KCNH5: variants seen among roughly 807,000 people sequenced by gnomAD.
KCNH5 encodes potassium voltage-gated channel subfamily H member 5.
In KCNH5, 46 loss-of-function variants were observed where a neutral mutation model predicts 96.1. That is an observed-to-expected ratio of 0.48 (90% CI 0.38 to 0.61). The LOEUF (loss-of-function observed/expected upper bound fraction) is 0.61, where lower values mean the gene tolerates loss of function less well. Ranked by LOEUF, KCNH5 falls within the 20% of genes least tolerant of loss-of-function variation. KCNH5 has a pLI of 0.00. For missense variants in KCNH5, 907 were observed against 1,225.8 expected, an observed-to-expected ratio of 0.74 and a Z score of 3.88; for synonymous variants, 439 against 449.8, an observed-to-expected ratio of 0.98 and a Z score of 0.30.
rs1884402860 is a variant in KCNH5 at position 62,704,954 on chromosome 14, T to C, written c.*2554A>G. 6.6e-6 allele frequency: 1 copy of C among 151,990 alleles called. No homozygotes were observed. Among genetic ancestry groups the C allele is most frequent in the African/African-American group, 2.4e-5 (1 of 41,446 alleles). The allele number at this position is 151,990 out of a possible 1,614,324, so 9.4% of individuals were successfully genotyped here. On this transcript the variant is annotated 3_prime_UTR_variant, in exon 11 of 11. Transcript: ENST00000322893. ...CTATATACAATGTTTGCTGAAAACA[T>C]GCATTCCTGCTGAAAACAGCAGGGT... is the stretch of plus-strand genomic sequence containing the variant.
At chr14:62,724,342 A>T (rs1479876830) in intron 10 of KCNH5, among the ~76,000 whole-genome samples, 1 of 152,188 alleles carries the variant, frequency 6.6e-6, no homozygotes, top group African/African-American at 2.4e-5. Flanking sequence ...TGATTAAAAG[A>T]TGGGGCTGAA....
At chr14:62,857,046 G>A (rs969357063) in intron 7 of KCNH5, among the ~76,000 whole-genome samples, 5 of 152,050 alleles carry the variant, frequency 3.3e-5, no homozygotes, top group African/African-American at 1.2e-4. Context: ...CCAAATTTTA[G>A]TATAATATTG....
chr14:62,775,431 T>A (rs943668524), intron 10 of KCNH5, among the ~76,000 whole-genome samples: 3 of 152,250 alleles, frequency 2.0e-5, no homozygotes, highest in African/African-American at 7.2e-5. Flanking sequence ...CATAAAAATG[T>A]GCTTCTGGCC....
intron 8 of KCNH5, among the ~76,000 whole-genome samples, chr14:62,802,910 G>A (rs557095999): frequency 6.6e-6 from 1 of 152,318 alleles, no homozygotes; most frequent in East Asian, 1.9e-4. Flanking sequence ...GGGAGGCCAA[G>A]GCGGGTAGAT....
intron 1 of KCNH5, among the ~76,000 whole-genome samples, chr14:63,038,929 C>T (rs984995047): frequency 6.6e-6 from 1 of 151,988 alleles, no homozygotes; most frequent in Non-Finnish European, 1.5e-5. Context: ...TTCTGCTTTG[C>T]TATTGGTAAA....
At chr14:62,827,243 C>A (rs1388456266) in intron 8 of KCNH5, among the ~76,000 whole-genome samples, 1 of 152,096 alleles carries the variant, frequency 6.6e-6, no homozygotes, top group Non-Finnish European at 1.5e-5. Flanking sequence ...AGCAATGTTT[C>A]CCCAATAATA....
chr14:62,733,586 A>T (rs572420475), intron 10 of KCNH5, among the ~76,000 whole-genome samples: 1 of 152,318 alleles, frequency 6.6e-6, no homozygotes, highest in East Asian at 1.9e-4. Flanking sequence ...CTGTTTGGGC[A>T]GCAACCCACA....
chr14:62,772,889 C>T (rs1256738419), intron 10 of KCNH5, among the ~76,000 whole-genome samples: 5 of 152,114 alleles, frequency 3.3e-5, no homozygotes, highest in African/African-American at 7.2e-5. Context: ...CCACACTAGA[C>T]GTATTGGTTC....
intron 7 of KCNH5, among the ~76,000 whole-genome samples, chr14:62,907,110 C>T (rs538783739): frequency 6.6e-6 from 1 of 152,272 alleles, no homozygotes; most frequent in East Asian, 1.9e-4. Context: ...TCTTTCTAGA[C>T]AGTCTTCTCT....
rs1891132088 is a variant in KCNH5 at position 63,006,553 on chromosome 14, G to C, written c.198-81C>G. ...CTACAAAAATCATATAATTGTCTTT[G>C]ACTAGTCAAATGTGGCTAGAAAATA... On this transcript the variant is annotated intron_variant, in intron 2 of 10. Transcript: ENST00000322893. 18 of 798,076 alleles carry C rather than the reference G, an allele frequency of 2.3e-5. 2 individuals are homozygous for C. In the South Asian group the frequency reaches 2.5e-4, roughly 11 times the overall value. 49.4% of individuals were successfully genotyped at this position (798,076 alleles called of 1,614,324 possible).
chr14:62,771,043 ACT>A (rs953205435), intron 10 of KCNH5, among the ~76,000 whole-genome samples: 89 of 152,166 alleles, frequency 5.8e-4, no homozygotes, highest in African/African-American at 2.1e-3. Flanking sequence ...GAGCTCTCTC[ACT>A]CTCTCACACA....
At chr14:62,725,532 TAAGAATGGGA>T (rs200745210) in intron 10 of KCNH5, among the ~76,000 whole-genome samples, 1,882 of 152,212 alleles carry the variant, frequency 0.012, 13 homozygotes, top group Middle Eastern at 0.048. Flanking sequence ...CAGCATGGTG[TAAGAATGGGA>T]AAGTATGAGA....
chr14:63,001,247 A>G, intron 4 of KCNH5, 84 bp downstream of exon 4: 2 of 1,270,210 alleles, frequency 1.6e-6, no homozygotes, highest in Non-Finnish European at 2.1e-6. Context: ...TTTGTTTTCC[A>G]GTTCAATCAG....
chr14:62,727,880 C>T (rs1391185694), intron 10 of KCNH5, among the ~76,000 whole-genome samples: 2 of 150,752 alleles, frequency 1.3e-5, no homozygotes, highest in Non-Finnish European at 2.9e-5. Context: ...ACTAAACGCT[C>T]TTTAGCTGAC....
Position 62,779,735 on chromosome 14 carries a change from C to G in KCNH5, c.2012G>C (p.Arg671Thr). ...CAGACCCAGAGAACATACCCGTTTCCTCAGATTGCAAGTAAGAGTGAGATT... is the reference window on the plus strand; with the variant it reads ...CAGACCCAGAGAACATACCCGTTTCGTCAGATTGCAAGTAAGAGTGAGATT... Reference protein sequence around the residue: ...SRNLTLTCNLRKRIIFRKISD... With the variant: ...SRNLTLTCNLTKRIIFRKISD... The change falls in exon 10 of 11, where the codon AGG becomes ACG. Residue 671 changes from arginine to threonine, a missense_variant. Physicochemically the swap from Arg to Thr is moderately conservative, Grantham distance 71. Around this residue, in one of 6 missense-constraint regions of KCNH5, gnomAD observed 362 missense variants for 394.4 expected, o/e 0.92. Coordinates refer to ENST00000322893, the MANE Select transcript of KCNH5 (RefSeq NM_139318.5). 1.2e-6 allele frequency: 2 copies of G among 1,612,536 alleles called. No individual in the cohort carries two copies. Among genetic ancestry groups the G allele is most frequent in the Non-Finnish European group, 1.7e-6 (2 of 1,179,050 alleles).
chr14:62,865,822 C>A (rs148849476), intron 7 of KCNH5, among the ~76,000 whole-genome samples: 20 of 152,250 alleles, frequency 1.3e-4, no homozygotes, highest in Admixed American at 6.5e-4. Context: ...AATAGATTAA[C>A]TGATGTAAAG....
chr14:62,925,348 T>C (rs965166015), intron 7 of KCNH5, among the ~76,000 whole-genome samples: 6 of 152,186 alleles, frequency 3.9e-5, no homozygotes, highest in African/African-American at 1.4e-4. Flanking sequence ...TGTATGGCAT[T>C]AAACCATATG....
chr14:62,920,406 T>C (rs1303815166), intron 7 of KCNH5, among the ~76,000 whole-genome samples: 1 of 152,100 alleles, frequency 6.6e-6, no homozygotes, highest in Admixed American at 6.6e-5. Flanking sequence ...AAAGCAGGGA[T>C]GCAGGGTGGG....
intron 8 of KCNH5, among the ~76,000 whole-genome samples, chr14:62,826,876 G>T (rs913847373): frequency 4.6e-5 from 7 of 151,350 alleles, no homozygotes; most frequent in African/African-American, 1.7e-4. Context: ...AATTTTTCAT[G>T]TTTAAGGAAT....
Sources: gnomAD v4.1 joint callset for allele counts (sites outside exome capture counted in the v4.1 genomes callset) on GRCh38, gnomAD v4.1.1 for gene constraint, gnomAD v4.1.1 regional missense constraint, MANE v1.5 for transcripts, NCBI Gene and HGNC (gene_info 2026-07-23, HGNC 2026-07-21) for gene names.